SEC24D: variants seen among roughly 807,000 people sequenced by gnomAD.
SEC24D encodes the protein SEC24 homolog D, COPII component.
SEC24D carries 69 observed loss-of-function variants against 116.9 expected under a neutral mutation model. The ratio of observed to expected loss-of-function variants is 0.59; its 90% CI spans 0.49 to 0.72. The LOEUF is 0.72. Among genes scored for constraint, SEC24D ranks in the 30% least tolerant of loss-of-function variants. SEC24D has a pLI of 0.00. For synonymous variants in SEC24D, 405 were observed against 442.8 expected (o/e 0.91, Z 1.07); for missense variants, 1,131 against 1,264.1 (o/e 0.89, Z 1.60).
At chr4:118,794,475 A>T (rs186499550) in intron 8 of SEC24D, among the ~76,000 whole-genome samples, 56 of 152,334 alleles carry the variant, frequency 3.7e-4, no homozygotes, top group African/African-American at 1.2e-3. Context: ...GACATTATTC[A>T]TGTGTATAAA....
intron 8 of SEC24D, among the ~76,000 whole-genome samples, chr4:118,784,299 G>A (rs1728561843): frequency 6.6e-6 from 1 of 152,134 alleles, no homozygotes; most frequent in Non-Finnish European, 1.5e-5. Context: ...ACTGAAATAA[G>A]AGGAAAGATG....
At chr4:118,831,530 G>C (rs979347232) in intron 2 of SEC24D, among the ~76,000 whole-genome samples, 1 of 152,008 alleles carries the variant, frequency 6.6e-6, no homozygotes, top group African/African-American at 2.4e-5. Flanking sequence ...TCCAACCCAC[G>C]GCCCACACGC....
Position 118,832,071 on chromosome 4 carries a change from C to T in SEC24D, c.118+1508G>A, listed in dbSNP as rs184651681. On this transcript the variant is annotated intron_variant, in intron 2 of 22. Transcript: ENST00000280551. ...TACAAAAATTACCCAGGCATGGTGG[C>T]GGGCGCCTGTAATCCCAGCTACTCA... Among the ~76,000 whole-genome samples, 1,245 of 152,108 alleles carry T rather than the reference C, an allele frequency of 8.2e-3. 19 individuals are homozygous for T. Among genetic ancestry groups the T allele is most frequent in the African/African-American group, 0.027 (1,134 of 41,470 alleles).
intron 8 of SEC24D, among the ~76,000 whole-genome samples, chr4:118,793,560 TTCCCTAATGTTGGTGGCTC>T (rs912735821): frequency 6.6e-6 from 1 of 151,104 alleles, no homozygotes; most frequent in African/African-American, 2.4e-5. Context: ...GCAGCAATAA[TTCCCTAATGTTGGTGGCTC>T]TCCAAGTTTA....
intron 6 of SEC24D, among the ~76,000 whole-genome samples, chr4:118,814,314 C>T (rs1425712839): frequency 6.6e-6 from 1 of 152,190 alleles, no homozygotes; most frequent in Non-Finnish European, 1.5e-5. Context: ...TGTTTCCTCC[C>T]TATGCCACAA....
intron 13 of SEC24D, among the ~76,000 whole-genome samples, chr4:118,749,708 T>C (rs1375565372): frequency 6.6e-6 from 1 of 152,156 alleles, no homozygotes; most frequent in Non-Finnish European, 1.5e-5. Flanking sequence ...TGTTTTGTAT[T>C]ACAGAGTTAC....
At chr4:118,791,611 C>T (rs1578439328) in intron 8 of SEC24D, among the ~76,000 whole-genome samples, 1 of 152,178 alleles carries the variant, frequency 6.6e-6, no homozygotes, top group African/African-American at 2.4e-5. Flanking sequence ...TCTCGACTCA[C>T]TGCAACCTCC....
At chr4:118,824,196 G>C (rs2080726376) in intron 3 of SEC24D, among the ~76,000 whole-genome samples, 1 of 151,866 alleles carries the variant, frequency 6.6e-6, no homozygotes, top group Non-Finnish European at 1.5e-5. Context: ...GCCCAGGCTG[G>C]AGTGCAATGG....
intron 13 of SEC24D, among the ~76,000 whole-genome samples, chr4:118,748,913 A>G (rs1726681896): frequency 6.6e-6 from 1 of 152,140 alleles, no homozygotes; most frequent in Non-Finnish European, 1.5e-5. Context: ...ATTCCCCTGC[A>G]ATCACACTTA....
At chr4:118,768,791 T>C (rs1349999293) in intron 8 of SEC24D, among the ~76,000 whole-genome samples, 1 of 152,228 alleles carries the variant, frequency 6.6e-6, no homozygotes, top group Non-Finnish European at 1.5e-5. Context: ...CATAAGATGT[T>C]GTCCAGAATA....
intron 3 of SEC24D, among the ~76,000 whole-genome samples, chr4:118,819,257 C>T (rs770668968): frequency 6.6e-6 from 1 of 151,952 alleles, no homozygotes; most frequent in Non-Finnish European, 1.5e-5. Context: ...GTCTGCGGGG[C>T]GTGGTGGCTC....
chr4:118,823,149 C>T (rs1730464851), intron 3 of SEC24D, among the ~76,000 whole-genome samples: 1 of 152,162 alleles, frequency 6.6e-6, no homozygotes, highest in African/African-American at 2.4e-5. Flanking sequence ...TCCTCTCTTG[C>T]CTTTCTATCA....
intron 8 of SEC24D, among the ~76,000 whole-genome samples, chr4:118,792,193 TGAG>T (rs1215482672): frequency 1.3e-5 from 2 of 149,026 alleles, no homozygotes; most frequent in African/African-American, 5.0e-5. Flanking sequence ...GTCTGGGAGG[TGAG>T]GAGCGTCTCT....
intron 4 of SEC24D, 146 bp downstream of exon 4, chr4:118,817,118 T>C (rs764940876): frequency 1.7e-4 from 115 of 669,218 alleles, no homozygotes; most frequent in Non-Finnish European, 2.6e-4. Context: ...ATACATAAGA[T>C]AGATGCTTTA....
At chr4:118,751,730 T>A (rs1346437930) in intron 13 of SEC24D, among the ~76,000 whole-genome samples, 3 of 152,166 alleles carry the variant, frequency 2.0e-5, no homozygotes, top group Non-Finnish European at 2.9e-5. Context: ...CATATAAAGT[T>A]CATATAAAAG....
Position 118,827,887 on chromosome 4 carries a change from C to T in SEC24D, c.119-3138G>A, listed in dbSNP as rs59514079. 4.7e-3 allele frequency among the ~76,000 whole-genome samples: 723 copies of T among 152,242 alleles called. 5 individuals carry two copies. Among genetic ancestry groups the T allele is most frequent in the African/African-American group, 0.014 (585 of 41,532 alleles). On this transcript the variant is annotated intron_variant, in intron 2 of 22. Coordinates refer to ENST00000280551, the MANE Select transcript of SEC24D (RefSeq NM_014822.4). Reference sequence around the variant, plus strand: ...CAAACCACATCACAGAATAGCATGCCTTGAATTTGGTCCTGGACCTGACAA... The same window carrying T: ...CAAACCACATCACAGAATAGCATGCTTTGAATTTGGTCCTGGACCTGACAA...
At position 118,833,614 on chromosome 4, in the gene SEC24D, T is replaced by C. The variant is rs758335217; in HGVS notation, c.83A>G (p.His28Arg). Residue 28 changes from histidine (H) to arginine (R), a missense_variant, in exon 2 of 23, where the codon CAC becomes CGC. By Grantham distance (29) the His-to-Arg change is conservative (BLOSUM62 0). Transcript: ENST00000280551. ...GIGLSPPHYG[H>R]YGDPSHTASP... ...TGCTGTGTGCGACGGATCCCCATAGTGCCCATAATGAGGTGGAGAAAGGCC... is the reference window on the plus strand; with the variant it reads ...TGCTGTGTGCGACGGATCCCCATAGCGCCCATAATGAGGTGGAGAAAGGCC... 4.3e-6 allele frequency: 7 copies of C among 1,613,882 alleles called. No individual in the cohort carries two copies. Among genetic ancestry groups the C allele is most frequent in the African/African-American group, 4.0e-5 (3 of 74,920 alleles).
At chr4:118,834,985 T>C (rs746186396) in intron 1 of SEC24D, among the ~76,000 whole-genome samples, 1 of 152,196 alleles carries the variant, frequency 6.6e-6, no homozygotes, top group Non-Finnish European at 1.5e-5. Flanking sequence ...GTAAAAATAT[T>C]ATGAGATCAT....
intron 7 of SEC24D, 140 bp downstream of exon 7, chr4:118,805,703 G>A: frequency 1.9e-6 from 1 of 540,530 alleles, no homozygotes; most frequent in Non-Finnish European, 3.2e-6. Context: ...TGGTACTTGA[G>A]GGATTAACAG....
Sources: allele counts gnomAD v4.1 joint callset (sites outside exome capture counted in the v4.1 genomes callset), GRCh38; gene constraint gnomAD v4.1.1; transcripts MANE v1.5; gene names NCBI Gene and HGNC (gene_info 2026-07-23, HGNC 2026-07-21).